ZC3H4: variants seen among roughly 807,000 people sequenced by gnomAD.
The protein encoded by ZC3H4 is zinc finger CCCH domain-containing protein 4.
A neutral mutation model predicts 108.3 loss-of-function variants in ZC3H4; 13 were observed. That is an observed-to-expected ratio of 0.12 (90% CI 0.08 to 0.19). ZC3H4 has a LOEUF of 0.19. Ranked by LOEUF, ZC3H4 falls within the 10% of genes least tolerant of loss-of-function variation. The pLI, the probability that ZC3H4 is intolerant of heterozygous loss-of-function variation, is 1.00. For synonymous variants in ZC3H4, 917 were observed against 749.6 expected (o/e 1.22, Z -3.65); for missense variants, 1,734 against 1,838.8 (o/e 0.94, Z 1.04).
intron 11 of ZC3H4, among the ~76,000 whole-genome samples, chr19:47,075,104 G>C (rs1049679601): frequency 2.0e-5 from 3 of 152,144 alleles, no homozygotes; most frequent in Admixed American, 1.3e-4. Context: ...CTAGCCATTA[G>C]CAATGGTATC....
At chr19:47,105,244 C>A (rs1232778844) in intron 2 of ZC3H4, among the ~76,000 whole-genome samples, 2 of 152,206 alleles carry the variant, frequency 1.3e-5, no homozygotes, top group African/African-American at 4.8e-5. Flanking sequence ...CTCAACTCTG[C>A]TGCTGTAACG....
chr19:47,083,767 C>G (rs2057565721), intron 9 of ZC3H4, among the ~76,000 whole-genome samples: 1 of 152,178 alleles, frequency 6.6e-6, no homozygotes, highest in African/African-American at 2.4e-5. Context: ...TATTTCTTCC[C>G]AAGACAGATG....
At position 47,084,399 on chromosome 19, in the gene ZC3H4, C is replaced by T. The variant is rs902937492; in HGVS notation, c.1164G>A (p.Ser388=). The T allele has an allele frequency of 9.3e-6, 15 of 1,614,064 alleles. No individual in the cohort carries two copies. The highest frequency in any genetic ancestry group is 2.7e-5 in the African/African-American group (2 of 74,916). ...TGCAAATGACTTTGCCTTTCTTGTC[C>T]GACTGCTGGTGGGGCTTGTCATGGT... ...SRDHDKPHQQ[S]DKKGKVICKY... The change falls in exon 9 of 15, where the codon TCG becomes TCA. Residue 388 remains serine (S), a synonymous_variant. Transcript: ENST00000253048.
At position 47,072,324 on chromosome 19, in the gene ZC3H4, G is replaced by A. The variant is rs1391265597; in HGVS notation, c.1802+28C>T. The A allele has an allele frequency of 2.5e-6, 4 of 1,605,194 alleles. No homozygotes were observed. The highest frequency in any genetic ancestry group is 2.7e-5 in the African/African-American group (2 of 74,666). On this transcript the variant is annotated intron_variant, in intron 12 of 14. Coordinates refer to ENST00000253048, the MANE Select transcript of ZC3H4 (RefSeq NM_015168.2). The surrounding 1 kb of genome is among the most constrained non-coding windows in gnomAD (Gnocchi z 5.6). ...GGCTGGGCCCAGGACAGCGCCCACTGCCTGTCACGGGGGTCCAGGGCACTC... is the reference window on the plus strand; with the variant it reads ...GGCTGGGCCCAGGACAGCGCCCACTACCTGTCACGGGGGTCCAGGGCACTC...
chr19:47,095,134 C>A (rs1012572496), intron 2 of ZC3H4, among the ~76,000 whole-genome samples: 1 of 152,180 alleles, frequency 6.6e-6, no homozygotes, highest in African/African-American at 2.4e-5. Context: ...TGCTGGGCCC[C>A]GGGCCCCAGT....
At chr19:47,094,208 G>T in intron 3 of ZC3H4, 128 bp from the exon 4 acceptor site, 1 of 1,093,722 alleles carries the variant, frequency 9.1e-7, no homozygotes. Flanking sequence ...CACCTCACCT[G>T]GGGCACTTAG....
chr19:47,081,964 C>G (rs2057532297), intron 10 of ZC3H4, among the ~76,000 whole-genome samples: 1 of 152,180 alleles, frequency 6.6e-6, no homozygotes, highest in Non-Finnish European at 1.5e-5. Context: ...CCTATGTAAA[C>G]AGAACATGCT....
chr19:47,097,771 G>A (rs995700836), intron 2 of ZC3H4, among the ~76,000 whole-genome samples: 5 of 152,070 alleles, frequency 3.3e-5, no homozygotes, highest in South Asian at 2.1e-4. Flanking sequence ...AAGCCCCACC[G>A]CGCTAATCAT....
intron 14 of ZC3H4, among the ~76,000 whole-genome samples, chr19:47,068,751 C>G (rs117427587): frequency 0.016 from 2,430 of 152,336 alleles, 45 homozygotes; most frequent in Non-Finnish European, 0.026. Flanking sequence ...TCCTTGAGAA[C>G]ACGGTAGGAA....
chr19:47,100,580 C>T (rs1481368926), intron 2 of ZC3H4, among the ~76,000 whole-genome samples: 1 of 151,720 alleles, frequency 6.6e-6, no homozygotes, highest in East Asian at 1.9e-4. Context: ...ACGAAGACAC[C>T]TACTGGTGGA....
intron 1 of ZC3H4, among the ~76,000 whole-genome samples, chr19:47,112,949 A>C: frequency 6.6e-6 from 1 of 150,864 alleles, no homozygotes. Flanking sequence ...GCGAAGGGTA[A>C]GGGGAGAAGA....
At position 47,066,591 on chromosome 19, in the gene ZC3H4, G is replaced by A. The variant is rs897157044; in HGVS notation, c.3677C>T (p.Ala1226Val). ...NSYNRPRPKA[A>V]AAPAATTATP... ...GGCGGTGGTGGCAGCGGGGGCTGCAGCAGCCTTGGGCCGGGGCCGGTTGTA... is the reference window on the plus strand; with the variant it reads ...GGCGGTGGTGGCAGCGGGGGCTGCAACAGCCTTGGGCCGGGGCCGGTTGTA... Residue 1226 changes from alanine to valine, a missense_variant, in exon 15 of 15, where the codon GCT becomes GTT. Around this residue, in one of 9 missense-constraint regions of ZC3H4, gnomAD observed 518 missense variants for 499.6 expected, o/e 1.04. Coordinates refer to ENST00000253048, the MANE Select transcript of ZC3H4 (RefSeq NM_015168.2). The A allele has an allele frequency of 6.3e-7, 1 of 1,599,144 alleles. No homozygotes were observed. The highest frequency in any genetic ancestry group is 8.5e-7 in the Non-Finnish European group (1 of 1,172,202).
At chr19:47,093,483 G>C (rs911074285) in intron 4 of ZC3H4, among the ~76,000 whole-genome samples, 1 of 152,196 alleles carries the variant, frequency 6.6e-6, no homozygotes, top group Admixed American at 6.5e-5. Flanking sequence ...ACAGGGCCTT[G>C]CTAAGGCCGC....
chr19:47,103,787 C>T, intron 2 of ZC3H4, among the ~76,000 whole-genome samples: 1 of 127,222 alleles, frequency 7.9e-6, no homozygotes, highest in African/African-American at 3.0e-5. Context: ...AAAAAAACTA[C>T]AAAAAAATAA....
At position 47,112,599 on chromosome 19, in the gene ZC3H4, G is replaced by T. The variant is rs767401467; in HGVS notation, c.-5-10C>A. ...GCGGCCTCCATAGTTCCTTTGGGGGGGAGGGGATGTTAATGCACGAAAAAG... is the reference window on the plus strand; with the variant it reads ...GCGGCCTCCATAGTTCCTTTGGGGGTGAGGGGATGTTAATGCACGAAAAAG... On this transcript the variant is annotated splice_polypyrimidine_tract_variant and intron_variant, in intron 1 of 14. Coordinates refer to ENST00000253048, the MANE Select transcript of ZC3H4 (RefSeq NM_015168.2). 11 of 1,207,522 alleles carry T rather than the reference G, an allele frequency of 9.1e-6. No homozygotes were observed. Among genetic ancestry groups the T allele is most frequent in the Non-Finnish European group, 1.1e-5 (11 of 963,890 alleles). 74.8% of individuals were successfully genotyped at this position (1,207,522 alleles called of 1,614,324 possible).
At chr19:47,086,805 C>T (rs2057636858) in intron 5 of ZC3H4, among the ~76,000 whole-genome samples, 1 of 152,176 alleles carries the variant, frequency 6.6e-6, no homozygotes, top group African/African-American at 2.4e-5. Flanking sequence ...CTACTTAGAA[C>T]TGCACTGTCC....
At chr19:47,080,564 T>C (rs2057502432) in intron 11 of ZC3H4, among the ~76,000 whole-genome samples, 1 of 152,152 alleles carries the variant, frequency 6.6e-6, no homozygotes, top group Admixed American at 6.5e-5. Context: ...GGCATGATCA[T>C]GGCTCACTGC....
intron 11 of ZC3H4, among the ~76,000 whole-genome samples, chr19:47,076,720 C>T (rs929976144): frequency 2.6e-5 from 4 of 152,074 alleles, no homozygotes; most frequent in East Asian, 1.9e-4. Flanking sequence ...GCTGGCCGGG[C>T]GCAGTGGCTC....
At chr19:47,076,881 T>C (rs1214995755) in intron 11 of ZC3H4, among the ~76,000 whole-genome samples, 3 of 151,982 alleles carry the variant, frequency 2.0e-5, no homozygotes, top group Admixed American at 6.5e-5. Flanking sequence ...TAATCCCAGC[T>C]ACTCAGGAGG....
Sources: allele counts gnomAD v4.1 joint callset (sites outside exome capture counted in the v4.1 genomes callset), GRCh38; gene constraint gnomAD v4.1.1; regional missense constraint gnomAD v4.1.1; non-coding constraint Gnocchi (gnomAD v3.1); transcripts MANE v1.5; gene names NCBI Gene and HGNC (gene_info 2026-07-23, HGNC 2026-07-21).